STK31: variants seen among roughly 807,000 people sequenced by gnomAD.
STK31 encodes serine/threonine-protein kinase 31.
In STK31, 89 loss-of-function variants were observed where a neutral mutation model predicts 129.7. The observed-to-expected ratio is 0.69, with a 90% confidence interval of 0.58 to 0.82. The LOEUF is 0.82. STK31 is among the 40% of genes least tolerant of loss of function. STK31 has a pLI of 0.00. For missense variants in STK31, 1,187 were observed against 1,176.4 expected (o/e 1.01, Z -0.13); for synonymous variants, 448 against 395.3 (o/e 1.13, Z -1.58).
At chr7:23,765,190 G>T (rs1346108032) in intron 11 of STK31, among the ~76,000 whole-genome samples, 1 of 152,032 alleles carries the variant, frequency 6.6e-6, no homozygotes, top group Non-Finnish European at 1.5e-5. Flanking sequence ...TAGTAGCTGG[G>T]ATTACAGGCA....
At chr7:23,780,828 G>C (rs1402466291) in intron 15 of STK31, among the ~76,000 whole-genome samples, 1 of 152,150 alleles carries the variant, frequency 6.6e-6, no homozygotes, top group East Asian at 1.9e-4. Context: ...AGGTGTGCAG[G>C]GTTTTTATGG....
intron 8 of STK31, among the ~76,000 whole-genome samples, chr7:23,745,482 C>A (rs1237871203): frequency 6.6e-6 from 1 of 152,204 alleles, no homozygotes; most frequent in African/African-American, 2.4e-5. Context: ...ATGTACTTTG[C>A]TCTTACATTT....
chr7:23,771,976 A>G lies in STK31; in HGVS notation c.1834-171A>G, dbSNP rs180956558. 32 of 437,468 alleles carry G rather than the reference A, an allele frequency of 7.3e-5. No individual in the cohort carries two copies. In the East Asian group the frequency reaches 1.2e-3, roughly 17 times the overall value. The allele number at this position is 437,468 out of a possible 1,614,324, so 27.1% of individuals were successfully genotyped here. A position where few individuals can be genotyped will look rare whatever the true frequency, so the allele number is the denominator to read the frequency against. On this transcript the variant is annotated intron_variant, in intron 14 of 23. Coordinates refer to ENST00000355870, the MANE Select transcript of STK31 (RefSeq NM_031414.5). The stretch of plus-strand genomic sequence containing the variant: ...GATATTCTTCTAAATAGAAACATGG[A>G]TTAAAAAGGAAATCTATTGAATTGT...
chr7:23,766,429 A>T (rs899460065), intron 11 of STK31, among the ~76,000 whole-genome samples: 1 of 151,948 alleles, frequency 6.6e-6, no homozygotes, highest in African/African-American at 2.4e-5. Flanking sequence ...TGCCCGGCTA[A>T]TTTTAGTAGA....
At chr7:23,737,719 A>G (rs1236220961) in intron 8 of STK31, among the ~76,000 whole-genome samples, 7 of 152,136 alleles carry the variant, frequency 4.6e-5, no homozygotes, top group African/African-American at 1.7e-4. Flanking sequence ...TTTCTCTTAA[A>G]TTGCTTTAAT....
chr7:23,754,207 C>T, intron 9 of STK31, 108 bp from the exon 10 acceptor site: 4 of 1,064,792 alleles, frequency 3.8e-6, no homozygotes, highest in Non-Finnish European at 5.3e-6. Flanking sequence ...CCTTCAAAGC[C>T]AGTGCTGTAA....
At chr7:23,783,704 G>C in intron 17 of STK31, 41 bp downstream of exon 17, 1 of 1,441,802 alleles carries the variant, frequency 6.9e-7, no homozygotes, top group Non-Finnish European at 9.6e-7. Context: ...TCTTCAGAGG[G>C]TGTTGAAAAG....
At chr7:23,730,879 T>TATATATATATA (rs1491380351) in intron 6 of STK31, among the ~76,000 whole-genome samples, 71 of 39,286 alleles carry the variant, frequency 1.8e-3, no homozygotes, top group African/African-American at 5.1e-3. Flanking sequence ...TATATATATA[T>TATATATATATA]TTTTTTTTTT....
At chr7:23,747,844 C>T (rs1788453935) in intron 8 of STK31, among the ~76,000 whole-genome samples, 2 of 152,054 alleles carry the variant, frequency 1.3e-5, no homozygotes, top group Admixed American at 6.6e-5. Context: ...CAATTTGTGT[C>T]CTCTGTCTTT....
At chr7:23,775,148 G>A (rs1790458607) in intron 15 of STK31, among the ~76,000 whole-genome samples, 1 of 152,134 alleles carries the variant, frequency 6.6e-6, no homozygotes, top group Non-Finnish European at 1.5e-5. Context: ...GTAGATGTGT[G>A]ACATTATTTC....
chr7:23,817,187 C>CAA (rs955726624), intron 23 of STK31, among the ~76,000 whole-genome samples: 6 of 147,450 alleles, frequency 4.1e-5, no homozygotes, highest in Non-Finnish European at 6.0e-5. Flanking sequence ...GACTTTGTCT[C>CAA]AAAAAAAAAA....
At chr7:23,736,573 C>T (rs1360873131) in intron 7 of STK31, among the ~76,000 whole-genome samples, 31 of 8,094 alleles carry the variant, frequency 3.8e-3, no homozygotes, top group Non-Finnish European at 6.6e-3. Flanking sequence ...GATCACAGGA[C>T]GGGGGGATCA....
intron 6 of STK31, among the ~76,000 whole-genome samples, chr7:23,730,872 A>ATTTTTTT (rs1455690740): frequency 5.9e-4 from 33 of 56,084 alleles, no homozygotes; most frequent in East Asian, 1.3e-3. Context: ...ATATATATAT[A>ATTTTTTT]TATATATTTT....
chr7:23,741,168 A>G (rs1182206630), intron 8 of STK31, among the ~76,000 whole-genome samples: 2 of 152,104 alleles, frequency 1.3e-5, no homozygotes, highest in Admixed American at 6.5e-5. Flanking sequence ...CAGTAGTCTG[A>G]TAGCTTCCTT....
intron 18 of STK31, among the ~76,000 whole-genome samples, chr7:23,785,827 C>A (rs545545668): frequency 1.3e-5 from 2 of 151,370 alleles, no homozygotes; most frequent in African/African-American, 4.9e-5. Flanking sequence ...GGGAACATCA[C>A]CCGTGGGGGC....
intron 23 of STK31, among the ~76,000 whole-genome samples, chr7:23,815,850 T>C (rs530587336): frequency 6.6e-6 from 1 of 151,372 alleles, no homozygotes; most frequent in Admixed American, 6.6e-5. Context: ...GAAGCTGATT[T>C]TTAGTTCTGC....
intron 22 of STK31, among the ~76,000 whole-genome samples, chr7:23,806,938 G>C (rs1792752701): frequency 6.6e-6 from 1 of 150,980 alleles, no homozygotes; most frequent in Non-Finnish European, 1.5e-5. Flanking sequence ...ATACAGGATG[G>C]ACGGACTCAC....
chr7:23,810,727 A>AAT (rs1320078530), intron 22 of STK31, among the ~76,000 whole-genome samples: 2 of 33,190 alleles, frequency 6.0e-5, no homozygotes, highest in Non-Finnish European at 1.4e-4. Flanking sequence ...ATATATATAA[A>AAT]ATAGATATAT....
At chr7:23,726,614 C>T (rs1217359894) in intron 4 of STK31, among the ~76,000 whole-genome samples, 1 of 144,872 alleles carries the variant, frequency 6.9e-6, no homozygotes, top group Non-Finnish European at 1.5e-5. Context: ...GAGACCCTGT[C>T]TCAAAAAAAA....
Sources: allele counts gnomAD v4.1 joint callset (sites outside exome capture counted in the v4.1 genomes callset), GRCh38; gene constraint gnomAD v4.1.1; transcripts MANE v1.5; gene names NCBI Gene and HGNC (gene_info 2026-07-23, HGNC 2026-07-21).